UTRN: variants seen among roughly 807,000 people sequenced by gnomAD.
UTRN encodes dystrophin-related protein 1.
In UTRN, 283 loss-of-function variants were observed where a neutral mutation model predicts 463.9. The observed-to-expected ratio is 0.61, with a 90% CI of 0.55 to 0.67. UTRN has a LOEUF of 0.67. Among genes scored for constraint, UTRN ranks in the 30% least tolerant of loss-of-function variants. UTRN has a pLI of 0.00. For synonymous variants in UTRN, 1,442 were observed against 1,431.5 expected, an observed-to-expected ratio of 1.01 and a Z score of -0.17; for missense variants, 3,922 against 4,084.3, an observed-to-expected ratio of 0.96 and a Z score of 1.08.
At chr6:144,327,949 C>CACAAA (rs10674133) in intron 2 of UTRN, among the ~76,000 whole-genome samples, 15 of 152,016 alleles carry the variant, frequency 9.9e-5, no homozygotes, top group African/African-American at 2.9e-4. Flanking sequence ...CGTCTCAAAA[C>CACAAA]ACAAAACAAA....
chr6:144,334,934 G>T (rs1451802848), intron 2 of UTRN, among the ~76,000 whole-genome samples: 2 of 152,126 alleles, frequency 1.3e-5, no homozygotes, highest in Admixed American at 6.5e-5. Flanking sequence ...AATTTTGAAG[G>T]CATCAGTGAA....
In UTRN at chr6:144,425,317, G is replaced by A. The variant is rs1190602690; in HGVS notation, c.406-970G>A. Among the ~76,000 whole-genome samples, 4 of 152,200 alleles carry A rather than the reference G, an allele frequency of 2.6e-5. No individual in the cohort carries two copies. The East Asian group carries it at 5.8e-4, about 22-fold the overall frequency. On this transcript the variant is annotated intron_variant, in intron 6 of 74. Transcript: ENST00000367545. The stretch of plus-strand genomic sequence containing the variant: ...ATCATATCGGGGATAGGTGATATCT[G>A]TTCTTTTTCTGGCAGTGTTAACTTT...
At chr6:144,330,008 T>A (rs1584304135) in intron 2 of UTRN, among the ~76,000 whole-genome samples, 1 of 152,190 alleles carries the variant, frequency 6.6e-6, no homozygotes, top group South Asian at 2.1e-4. Context: ...AGCATACAAA[T>A]AGTTGTTTAA....
chr6:144,538,907 G>T (rs1345490182), intron 44 of UTRN, among the ~76,000 whole-genome samples: 2 of 152,236 alleles, frequency 1.3e-5, no homozygotes, highest in Middle Eastern at 3.4e-3. Context: ...AATTTCAGTG[G>T]TTTTTTTGGG....
chr6:144,807,430 CA>C (rs1301248470), intron 65 of UTRN, among the ~76,000 whole-genome samples: 1 of 151,900 alleles, frequency 6.6e-6, no homozygotes, highest in Admixed American at 6.6e-5. Flanking sequence ...AGAAATGTAG[CA>C]GAATTTTTAT....
At chr6:144,554,553 C>T in intron 48 of UTRN, 135 bp from the exon 49 acceptor site, 1 of 878,958 alleles carries the variant, frequency 1.1e-6, no homozygotes, top group Non-Finnish European at 1.7e-6. Context: ...TATTAAAATT[C>T]CTTCAAAATG....
At chr6:144,796,718 T>A (rs1430814504) in intron 63 of UTRN, among the ~76,000 whole-genome samples, 1 of 152,190 alleles carries the variant, frequency 6.6e-6, no homozygotes, top group Admixed American at 6.5e-5. Context: ...TCTACAGATA[T>A]TTTGGCAAAG....
At chr6:144,405,578 A>G (rs780479265) in intron 3 of UTRN, among the ~76,000 whole-genome samples, 1 of 152,202 alleles carries the variant, frequency 6.6e-6, no homozygotes, top group Non-Finnish European at 1.5e-5. Context: ...GTTTTACAAT[A>G]TAATTTTTCA....
rs546164915 is a variant in UTRN at position 144,398,319 on chromosome 6, A to G, written c.80-4804A>G. The G allele has an allele frequency of 2.5e-5, 8 of 322,084 alleles. No individual in the cohort carries two copies. In the South Asian group the frequency reaches 2.6e-4, roughly 11 times the overall value. 20.0% of individuals were successfully genotyped at this position (322,084 alleles called of 1,614,324 possible). A position where few individuals can be genotyped will look rare whatever the true frequency, so the allele number is the denominator to read the frequency against. ...AACATTTTGGGCTTCCTTGTCCTCAATAGATTTGCTTGTTGGGCCACACTT... is the reference window on the plus strand; with the variant it reads ...AACATTTTGGGCTTCCTTGTCCTCAGTAGATTTGCTTGTTGGGCCACACTT... On this transcript the variant is annotated intron_variant, in intron 2 of 74. Transcript: ENST00000367545.
chr6:144,518,952 G>A (rs1263758532), intron 39 of UTRN, among the ~76,000 whole-genome samples: 2 of 152,054 alleles, frequency 1.3e-5, no homozygotes, highest in African/African-American at 4.8e-5. Flanking sequence ...CCTGAAACAG[G>A]TAAATCAGAA....
chr6:144,738,658 T>A (rs1050625743), intron 54 of UTRN, among the ~76,000 whole-genome samples: 1 of 152,222 alleles, frequency 6.6e-6, no homozygotes, highest in Non-Finnish European at 1.5e-5. Context: ...ATTACACAAT[T>A]CATTGTATAC....
chr6:144,437,537 C>A, intron 10 of UTRN, 28 bp from the exon 11 acceptor site: 2 of 1,554,658 alleles, frequency 1.3e-6, no homozygotes, highest in South Asian at 2.5e-5. Flanking sequence ...CTGAGTAGCT[C>A]ACAAATTATA....
intron 50 of UTRN, among the ~76,000 whole-genome samples, chr6:144,567,307 G>A (rs1158326680): frequency 6.6e-6 from 1 of 152,160 alleles, no homozygotes; most frequent in African/African-American, 2.4e-5. Flanking sequence ...GTGTGTTGGA[G>A]CAGACTGGGG....
intron 51 of UTRN, among the ~76,000 whole-genome samples, chr6:144,625,120 C>T (rs183547537): frequency 6.6e-6 from 1 of 152,218 alleles, no homozygotes; most frequent in Admixed American, 6.5e-5. Context: ...GAAGTACTTT[C>T]ATTAGGAAGA....
intron 57 of UTRN, among the ~76,000 whole-genome samples, chr6:144,757,395 C>T (rs1041783646): frequency 6.6e-6 from 1 of 151,882 alleles, no homozygotes; most frequent in African/African-American, 2.4e-5. Context: ...TGGTTCTTCA[C>T]AACTTTTTGC....
chr6:144,632,750 T>C (rs1776665826), intron 51 of UTRN, among the ~76,000 whole-genome samples: 1 of 152,060 alleles, frequency 6.6e-6, no homozygotes, highest in South Asian at 2.1e-4. Flanking sequence ...AGACTGAGTT[T>C]TGCTCTTGTT....
Position 144,836,385 on chromosome 6 carries a change from A to G in UTRN, c.9909A>G (p.Ile3303Met), listed in dbSNP as rs371447128. The part of the protein sequence containing the change: ...LPVGSPPESI[I>M]SPHHTSEDSE... The stretch of plus-strand genomic sequence containing the variant: ...TCGGTTCACCGCCAGAGTCGATTAT[A>G]TCTCCCCATCACACGTCTGAGGATT... The change falls in exon 71 of 75, where the codon ATA becomes ATG. Residue 3303 changes from isoleucine (I) to methionine (M), a missense_variant. Around this residue, in one of 3 missense-constraint regions of UTRN, gnomAD observed 1,309 missense variants for 1,452.6 expected, o/e 0.90. Coordinates refer to ENST00000367545, the MANE Select transcript of UTRN (RefSeq NM_007124.3). The G allele has an allele frequency of 6.2e-7, 1 of 1,609,308 alleles. No homozygotes were observed. The highest frequency in any genetic ancestry group is 8.5e-7 in the Non-Finnish European group (1 of 1,176,146).
chr6:144,548,779 C>T lies in UTRN; in HGVS notation c.6735C>T (p.Ile2245=), dbSNP rs751302037. 5.8e-5 allele frequency: 94 copies of T among 1,613,808 alleles called. No individual in the cohort carries two copies. Among genetic ancestry groups the T allele is most frequent in the Middle Eastern group, 3.3e-4 (2 of 6,084 alleles). Residue 2245 remains isoleucine (I), a synonymous_variant, in exon 47 of 75, where the codon ATC becomes ATT. Coordinates refer to ENST00000367545, the MANE Select transcript of UTRN (RefSeq NM_007124.3). ...ITELADWLVL[I]DQMLKSNIVT... ...AACTAGCCGACTGGCTGGTATTAAT[C>T]GACCAGATGCTGAAGTCCAACATTG...
At chr6:144,603,680 A>C (rs1438405113) in intron 51 of UTRN, among the ~76,000 whole-genome samples, 2 of 152,186 alleles carry the variant, frequency 1.3e-5, no homozygotes, top group Non-Finnish European at 2.9e-5. Context: ...ACAAAATTTC[A>C]GTCTTTATCG....
Sources: gnomAD v4.1 joint callset for allele counts (sites outside exome capture counted in the v4.1 genomes callset) on GRCh38, gnomAD v4.1.1 for gene constraint, gnomAD v4.1.1 regional missense constraint, MANE v1.5 for transcripts, NCBI Gene and HGNC (gene_info 2026-07-23, HGNC 2026-07-21) for gene names.